Variants in SLC35F3 observed in about 807,000 individuals in gnomAD.
SLC35F3 encodes solute carrier family 35 member F3.
Under a neutral mutation model 49.9 loss-of-function variants are expected in SLC35F3, and 25 were observed. The observed-to-expected ratio is 0.50, with a 90% CI of 0.37 to 0.70. SLC35F3 has a LOEUF of 0.70. SLC35F3 is among the 30% of genes least tolerant of loss of function. SLC35F3 has a pLI of 0.00. For synonymous variants in SLC35F3, 275 were observed against 265.4 expected, an observed-to-expected ratio of 1.04 and a Z score of -0.35; for missense variants, 525 against 639.8, an observed-to-expected ratio of 0.82 and a Z score of 1.94.
chr1:234,073,687 T>G (rs1298177238), intron 2 of SLC35F3, among the ~76,000 whole-genome samples: 1 of 152,212 alleles, frequency 6.6e-6, no homozygotes, highest in Non-Finnish European at 1.5e-5. Context: ...GATAAATATA[T>G]GATACATACC....
chr1:233,938,615 CAGATGGATGGAT>C (rs1429340806), intron 2 of SLC35F3, among the ~76,000 whole-genome samples: 7 of 151,606 alleles, frequency 4.6e-5, no homozygotes, highest in African/African-American at 1.7e-4. Flanking sequence ...AATGGATGGA[CAGATGGATGGAT>C]AGATGGATGG....
intron 2 of SLC35F3, among the ~76,000 whole-genome samples, chr1:233,979,098 G>C (rs1401391224): frequency 6.6e-6 from 1 of 150,686 alleles, no homozygotes; most frequent in Non-Finnish European, 1.5e-5. Context: ...AAAAGAAAAA[G>C]AATTAAATGA....
At chr1:233,936,393 T>C (rs1443855627) in intron 2 of SLC35F3, among the ~76,000 whole-genome samples, 1 of 152,182 alleles carries the variant, frequency 6.6e-6, no homozygotes, top group African/African-American at 2.4e-5. Flanking sequence ...TAATATCGTC[T>C]CTCTGTTTCT....
At chr1:234,014,799 T>G (rs1019801315) in intron 2 of SLC35F3, among the ~76,000 whole-genome samples, 1 of 152,128 alleles carries the variant, frequency 6.6e-6, no homozygotes, top group Admixed American at 6.5e-5. Flanking sequence ...CGTTGAAAAC[T>G]ATAAAGATCA....
rs1667367331 is a variant in SLC35F3 at position 234,231,350 on chromosome 1, CAGCGCCCTGCG to C, written c.284-65_284-55del. The C allele has an allele frequency of 3.0e-6, 4 of 1,313,106 alleles. No homozygotes were observed. Among genetic ancestry groups the C allele is most frequent in the Non-Finnish European group, 4.1e-6 (4 of 983,838 alleles). 81.3% of individuals were successfully genotyped at this position (1,313,106 alleles called of 1,614,324 possible). A position where few individuals can be genotyped will look rare whatever the true frequency, so the allele number is the denominator to read the frequency against. ...GCTGGTGGTGACAATGGCTGCAGGG[CAGCGCCCTGCG>C]AAGTGCAGGGGTGAAGGTCTGCAGG... On this transcript the variant is annotated intron_variant, in intron 2 of 7. Coordinates refer to ENST00000366618, the MANE Select transcript of SLC35F3 (RefSeq NM_173508.4). The surrounding 1 kb of genome is among the most constrained non-coding windows in gnomAD (Gnocchi z 5.4).
At chr1:234,197,570 CATGATCACTCCCTG>C (rs72072507) in intron 2 of SLC35F3, among the ~76,000 whole-genome samples, 2,452 of 152,314 alleles carry the variant, frequency 0.016, 68 homozygotes, top group African/African-American at 0.056. Flanking sequence ...GAACCCCCTC[CATGATCACTCCCTG>C]ATGTGGAGAG....
At position 234,121,076 on chromosome 1, in the gene SLC35F3, A is replaced by ATT. The variant is rs928143264; in HGVS notation, c.284-110333_284-110332dup. Among the ~76,000 whole-genome samples the ATT allele has an allele frequency of 6.8e-5, 10 of 146,248 alleles. No individual in the cohort carries two copies. In the South Asian group the frequency reaches 1.7e-3, roughly 25 times the overall value. On this transcript the variant is annotated intron_variant, in intron 2 of 7. Transcript: ENST00000366618. ...CAATAGAAAAAAATAGCCCATGATA[A>ATT]TTTTTTTTTCTGAGTTCTGGTCATT...
intron 2 of SLC35F3, among the ~76,000 whole-genome samples, chr1:233,909,899 C>T (rs1433425010): frequency 6.6e-6 from 1 of 152,224 alleles, no homozygotes; most frequent in African/African-American, 2.4e-5. Flanking sequence ...GCTAAACAAG[C>T]AGGCCTACCT....
intron 2 of SLC35F3, among the ~76,000 whole-genome samples, chr1:234,037,895 G>A (rs1195993338): frequency 6.6e-6 from 1 of 152,158 alleles, no homozygotes; most frequent in African/African-American, 2.4e-5. Flanking sequence ...GCCATCTCGG[G>A]TCAGCTCATG....
rs548535069 is a variant in SLC35F3, at chr1:234,148,153, C to G, written c.284-83264C>G. ...CTTCCTGTACACACCTGGGGCTGGG[C>G]TCTTCCTGCAGACCTCCAGGTGGAA... On this transcript the variant is annotated intron_variant, in intron 2 of 7. Transcript: ENST00000366618. 7.2e-5 allele frequency among the ~76,000 whole-genome samples: 11 copies of G among 152,292 alleles called. 1 individual carries two copies. In the South Asian group the frequency reaches 2.3e-3, roughly 32 times the overall value.
chr1:233,952,086 A>T (rs1187252081), intron 2 of SLC35F3, among the ~76,000 whole-genome samples: 1 of 151,872 alleles, frequency 6.6e-6, no homozygotes, highest in Non-Finnish European at 1.5e-5. Flanking sequence ...TTATGATGTC[A>T]GCAGTGGTTA....
intron 2 of SLC35F3, among the ~76,000 whole-genome samples, chr1:233,918,471 G>A (rs1429972108): frequency 6.6e-6 from 1 of 152,150 alleles, no homozygotes; most frequent in African/African-American, 2.4e-5. Flanking sequence ...GGAGCCAGTT[G>A]GGAAAATTTG....
chr1:234,114,623 A>C (rs748286891), intron 2 of SLC35F3, among the ~76,000 whole-genome samples: 8 of 152,186 alleles, frequency 5.3e-5, no homozygotes, highest in Non-Finnish European at 1.0e-4. Flanking sequence ...GAGAATTGAG[A>C]TTTAATTCTT....
chr1:233,923,654 G>A (rs1185077090), intron 2 of SLC35F3, among the ~76,000 whole-genome samples: 3 of 152,084 alleles, frequency 2.0e-5, no homozygotes, highest in Admixed American at 2.0e-4. Flanking sequence ...TCTCCTGCCT[G>A]ATTGCCCTGG....
At chr1:233,972,051 T>A (rs1663003075) in intron 2 of SLC35F3, among the ~76,000 whole-genome samples, 1 of 152,248 alleles carries the variant, frequency 6.6e-6, no homozygotes, top group Non-Finnish European at 1.5e-5. Context: ...CACTCCCCTT[T>A]CACCCATGGC....
intron 2 of SLC35F3, among the ~76,000 whole-genome samples, chr1:234,154,011 G>A (rs546842829): frequency 1.3e-5 from 2 of 150,724 alleles, no homozygotes; most frequent in African/African-American, 2.4e-5. Context: ...GCAGTGAGCC[G>A]AGATCACACC....
intron 2 of SLC35F3, among the ~76,000 whole-genome samples, chr1:234,098,100 G>A (rs1215719832): frequency 6.6e-6 from 1 of 150,896 alleles, no homozygotes; most frequent in Non-Finnish European, 1.5e-5. Context: ...TGATGGAGGT[G>A]GTGACTGTGT....
intron 3 of SLC35F3, among the ~76,000 whole-genome samples, chr1:234,243,286 CAG>C (rs1572111550): frequency 6.6e-6 from 1 of 152,042 alleles, no homozygotes. Context: ...ACCTGGGAGA[CAG>C]AGGTTGCAGA....
intron 2 of SLC35F3, among the ~76,000 whole-genome samples, chr1:234,201,780 G>A (rs1572092555): frequency 1.3e-5 from 2 of 152,192 alleles, no homozygotes; most frequent in East Asian, 3.9e-4. Flanking sequence ...GGTTTTGCGT[G>A]TGGTTTTTTC....
Sources: gnomAD v4.1 joint callset for allele counts (sites outside exome capture counted in the v4.1 genomes callset) on GRCh38, gnomAD v4.1.1 for gene constraint, Gnocchi (gnomAD v3.1) non-coding constraint, MANE v1.5 for transcripts, NCBI Gene and HGNC (gene_info 2026-07-23, HGNC 2026-07-21) for gene names.